Variants in HAS2 observed in about 807,000 individuals in gnomAD.
The protein encoded by HAS2 is hyaluronan synthase 2.
Under a neutral mutation model 51.6 loss-of-function variants are expected in HAS2, and 16 were observed. That is an observed-to-expected ratio of 0.31 (90% CI 0.21 to 0.47). The LOEUF (loss-of-function observed/expected upper bound fraction) is 0.47, where lower values mean the gene tolerates loss of function less well. HAS2 is among the 20% of genes least tolerant of loss of function. The pLI, the probability that HAS2 is intolerant of heterozygous loss-of-function variation, is 1.00. For synonymous variants in HAS2, 228 were observed against 235.5 expected (o/e 0.97, Z 0.29); for missense variants, 361 against 662.6 (o/e 0.54, Z 5.00).
chr8:121,614,276 T>C lies in HAS2; in HGVS notation c.1492A>G (p.Lys498Glu), dbSNP rs561838284. The change falls in exon 4 of 4, where the codon AAG becomes GAG. Residue 498 changes from lysine (K) to glutamate (E), a missense_variant. Physicochemically the swap from Lys to Glu is moderately conservative, Grantham distance 56. Transcript: ENST00000303924. This position sits in a 1 kb window ranked among gnomAD's most constrained non-coding sequence, Gnocchi z 7.2. Reference sequence around the variant, plus strand: ...TCTGAAAATGGCCTTTTAGACTCCTTATAAATGGTGAAAATCACACCACCC... The same window carrying C: ...TCTGAAAATGGCCTTTTAGACTCCTCATAAATGGTGAAAATCACACCACCC... ...LLGGVIFTIY[K>E]ESKRPFSESK... The C allele has an allele frequency of 1.5e-4, 237 of 1,614,150 alleles. 3 individuals carry two copies. In the South Asian group the frequency reaches 2.5e-3, roughly 17 times the overall value.
chr8:121,630,301 C>T (rs373392638), intron 1 of HAS2, among the ~76,000 whole-genome samples: 4 of 152,160 alleles, frequency 2.6e-5, no homozygotes, highest in East Asian at 1.9e-4. Context: ...ACCTGAAACA[C>T]GTTTCCACTC....
chr8:121,616,442 C>CTTTT (rs531349255), intron 3 of HAS2, among the ~76,000 whole-genome samples: 1 of 140,938 alleles, frequency 7.1e-6, no homozygotes, highest in Admixed American at 7.1e-5. Context: ...TTTTCTTTTT[C>CTTTT]TTTTTTTTTT....
chr8:121,624,707 A>G (rs1479844096), intron 2 of HAS2, among the ~76,000 whole-genome samples: 1 of 152,160 alleles, frequency 6.6e-6, no homozygotes, highest in Non-Finnish European at 1.5e-5. Flanking sequence ...ACATCAGGGG[A>G]TACTGTTTTA....
chr8:121,628,581 GC>G, intron 2 of HAS2, 132 bp downstream of exon 2: 1 of 782,616 alleles, frequency 1.3e-6, no homozygotes, highest in Non-Finnish European at 2.0e-6. Context: ...CAACAGTCAT[GC>G]TGTTTTCAAA....
chr8:121,635,343 G>A (rs922369366), intron 1 of HAS2, among the ~76,000 whole-genome samples: 6 of 152,114 alleles, frequency 3.9e-5, no homozygotes, highest in Non-Finnish European at 8.8e-5. Flanking sequence ...TTTAAAAAAG[G>A]AATCTAAGTA....
intron 2 of HAS2, among the ~76,000 whole-genome samples, chr8:121,620,497 T>C (rs1171413303): frequency 2.0e-5 from 3 of 152,180 alleles, no homozygotes; most frequent in Admixed American, 6.5e-5. Flanking sequence ...AAACATCTTT[T>C]TGGCCACACT....
intron 2 of HAS2, among the ~76,000 whole-genome samples, chr8:121,621,744 T>C (rs1812776648): frequency 6.6e-6 from 1 of 152,168 alleles, no homozygotes; most frequent in South Asian, 2.1e-4. Context: ...ACAATCTAAA[T>C]AAAAATCTCC....
At chr8:121,621,500 A>G (rs1258496664) in intron 2 of HAS2, among the ~76,000 whole-genome samples, 1 of 152,200 alleles carries the variant, frequency 6.6e-6, no homozygotes, top group African/African-American at 2.4e-5. Flanking sequence ...CCATTAGTAT[A>G]AGGTAATAGT....
chr8:121,613,740 G>T lies in HAS2; in HGVS notation c.*369C>A. 1 of 241,604 alleles carries T rather than the reference G, an allele frequency of 4.1e-6. No individual in the cohort carries two copies. 15.0% of individuals were successfully genotyped at this position (241,604 alleles called of 1,614,324 possible). On this transcript the variant is annotated 3_prime_UTR_variant, in exon 4 of 4. Transcript: ENST00000303924. Reference sequence around the variant, plus strand: ...TCTATCAAAACAGTCCATAAGTTAGGTTGTATAGGTTGAAAGAACTTTTCC... The same window carrying T: ...TCTATCAAAACAGTCCATAAGTTAGTTTGTATAGGTTGAAAGAACTTTTCC...
intron 2 of HAS2, 36 bp from the exon 3 acceptor site, chr8:121,617,242 A>C: frequency 7.9e-7 from 1 of 1,264,302 alleles, no homozygotes; most frequent in Non-Finnish European, 1.2e-6. Flanking sequence ...GTTAAAGAAA[A>C]GGAAGAACTA....
At position 121,628,926 on chromosome 8, in the gene HAS2, C is replaced by T. The variant is rs1282856392; in HGVS notation, c.415G>A (p.Gly139Ser). 6.2e-7 allele frequency: 1 copy of T among 1,613,942 alleles called. No homozygotes were observed. Among genetic ancestry groups the T allele is most frequent in the Non-Finnish European group, 8.5e-7 (1 of 1,179,948 alleles). Residue 139 changes from glycine (G) to serine (S), a missense_variant, in exon 2 of 4, where the codon GGC becomes AGC. By Grantham distance (56) the Gly-to-Ser change is moderately conservative (BLOSUM62 0). Coordinates refer to ENST00000303924, the MANE Select transcript of HAS2 (RefSeq NM_005328.3). ...ATATAAGTGGCTGATTTGTCTCTGC[C>T]CATGACTTCACTGAAGATGTCCATC... ...YMMDIFSEVMGRDKSATYIWK... is the reference protein window; with the variant it reads ...YMMDIFSEVMSRDKSATYIWK...
chr8:121,625,335 T>C (rs1812831813), intron 2 of HAS2, among the ~76,000 whole-genome samples: 1 of 152,110 alleles, frequency 6.6e-6, no homozygotes, highest in Non-Finnish European at 1.5e-5. Context: ...TGTGTTACTT[T>C]TGTAAATAAA....
chr8:121,639,703 C>T lies in HAS2; in HGVS notation c.-1+1150G>A, dbSNP rs150976243. The T allele has an allele frequency of 5.2e-5, 8 of 152,566 alleles. No individual in the cohort carries two copies. In the East Asian group the frequency reaches 1.4e-3, roughly 26 times the overall value. 9.5% of individuals were successfully genotyped at this position (152,566 alleles called of 1,614,324 possible). A position where few individuals can be genotyped will look rare whatever the true frequency, so the allele number is the denominator to read the frequency against. ...TCAGAGGAAAAAGGCTCTTTCGCCT[C>T]CCGGTTCTCACCCTCATACAGACCC... On this transcript the variant is annotated intron_variant, in intron 1 of 3. Transcript: ENST00000303924.
In HAS2 at chr8:121,623,751, T is replaced by G. The variant is rs73320629; in HGVS notation, c.627+4963A>C. Among the ~76,000 whole-genome samples the G allele has an allele frequency of 5.7e-3, 869 of 152,312 alleles. 10 individuals carry two copies. The highest frequency in any genetic ancestry group is 0.019 in the African/African-American group (809 of 41,566). ...AGCAGGTAAACAACAAAGTTGGGTA[T>G]AGAATTCAGATTTCCTCATTCTTAT... On this transcript the variant is annotated intron_variant, in intron 2 of 3. Transcript: ENST00000303924.
chr8:121,625,829 T>C (rs886740134), intron 2 of HAS2, among the ~76,000 whole-genome samples: 3 of 152,040 alleles, frequency 2.0e-5, no homozygotes, highest in Non-Finnish European at 4.4e-5. Context: ...CCTCTTTAAC[T>C]TCTTTTCTCA....
In HAS2 at chr8:121,612,961, G is replaced by C. The variant is rs1812656432; in HGVS notation, c.*1148C>G. The C allele has an allele frequency of 7.2e-6, 1 of 139,368 alleles. No individual in the cohort carries two copies. Among genetic ancestry groups the C allele is most frequent in the Non-Finnish European group, 1.6e-5 (1 of 64,024 alleles). The allele number at this position is 139,368 out of a possible 1,614,324, so 8.6% of individuals were successfully genotyped here. On this transcript the variant is annotated 3_prime_UTR_variant, in exon 4 of 4. Transcript: ENST00000303924. Reference sequence around the variant, plus strand: ...CTGGCAAGTTGAAAAAAAAAAAAAAGACAGGCAAAACATGTTCAATGTGTA... The same window carrying C: ...CTGGCAAGTTGAAAAAAAAAAAAAACACAGGCAAAACATGTTCAATGTGTA...
Position 121,612,981 on chromosome 8 carries a change from T to C in HAS2, c.*1128A>G, listed in dbSNP as rs1487345943. 6.7e-6 allele frequency: 1 copy of C among 150,040 alleles called. No homozygotes were observed. Among genetic ancestry groups the C allele is most frequent in the Non-Finnish European group, 1.5e-5 (1 of 67,590 alleles). 9.3% of individuals were successfully genotyped at this position (150,040 alleles called of 1,614,324 possible). A position where few individuals can be genotyped will look rare whatever the true frequency, so the allele number is the denominator to read the frequency against. On this transcript the variant is annotated 3_prime_UTR_variant, in exon 4 of 4. Transcript: ENST00000303924. ...AAAAAGACAGGCAAAACATGTTCAATGTGTAGGTAGGACCCAGTAAATTCA... is the reference window on the plus strand; with the variant it reads ...AAAAAGACAGGCAAAACATGTTCAACGTGTAGGTAGGACCCAGTAAATTCA...
At chr8:121,626,449 C>T (rs895323239) in intron 2 of HAS2, among the ~76,000 whole-genome samples, 4 of 152,156 alleles carry the variant, frequency 2.6e-5, no homozygotes, top group Non-Finnish European at 5.9e-5. Flanking sequence ...GCAGAATTCT[C>T]CAGCAAGTTT....
chr8:121,638,631 T>TACA (rs1330776997), intron 1 of HAS2, among the ~76,000 whole-genome samples: 1 of 152,176 alleles, frequency 6.6e-6, no homozygotes, highest in East Asian at 1.9e-4. Flanking sequence ...ATACAAAACA[T>TACA]AATATATAAA....
Sources: allele counts gnomAD v4.1 joint callset (sites outside exome capture counted in the v4.1 genomes callset), GRCh38; gene constraint gnomAD v4.1.1; non-coding constraint Gnocchi (gnomAD v3.1); transcripts MANE v1.5; gene names NCBI Gene and HGNC (gene_info 2026-07-23, HGNC 2026-07-21).